CPT1A: variants seen among roughly 807,000 people sequenced by gnomAD.
The protein encoded by CPT1A is carnitine palmitoyltransferase 1A, also known as carnitine O-palmitoyltransferase 1, liver isoform.
A neutral mutation model predicts 100.8 loss-of-function variants in CPT1A; 64 were observed. The ratio of observed to expected loss-of-function variants is 0.63; its 90% CI spans 0.52 to 0.78. The LOEUF is 0.78. Ranked by LOEUF, CPT1A falls within the 30% of genes least tolerant of loss-of-function variation. The pLI is 0.00. For synonymous variants in CPT1A, 363 were observed against 396.0 expected (o/e 0.92, Z 0.99); for missense variants, 802 against 1,034.1 (o/e 0.78, Z 3.08).
In CPT1A at chr11:68,804,051, C is replaced by T. The variant is rs755282175; in HGVS notation, c.504G>A (p.Gln168=). The change falls in exon 5 of 19, where the codon CAG becomes CAA. Residue 168 remains glutamine, a synonymous_variant. Coordinates refer to ENST00000265641, the MANE Select transcript of CPT1A (RefSeq NM_001876.4). ...GGACCGGCAGGCGAGGCAGCGATGT[C>T]TGGAAGCTGTACAACATGGGTTTTC... is the stretch of plus-strand genomic sequence containing the variant. The part of the protein sequence containing the change: ...SGRKPMLYSF[Q]TSLPRLPVPA... 1.9e-6 allele frequency: 3 copies of T among 1,614,030 alleles called. No homozygotes were observed. The East Asian group carries it at 6.7e-5, about 36-fold the overall frequency.
chr11:68,770,390 C>T (rs940811941), intron 14 of CPT1A, among the ~76,000 whole-genome samples: 2 of 152,220 alleles, frequency 1.3e-5, no homozygotes, highest in Non-Finnish European at 2.9e-5. Flanking sequence ...GCTGTTCCAT[C>T]TCCTGAACAG....
intron 4 of CPT1A, among the ~76,000 whole-genome samples, chr11:68,804,772 C>T (rs1294233526): frequency 6.6e-6 from 1 of 152,214 alleles, no homozygotes; most frequent in East Asian, 1.9e-4. Context: ...GGGCTCCAGG[C>T]TCTAGGAACA....
downstream of CPT1A, chr11:68,754,875 AAC>A (rs1435275531): frequency 3.8e-6 from 3 of 780,460 alleles, no homozygotes; most frequent in Non-Finnish European, 7.2e-6. Flanking sequence ...AAGAGACAGA[AAC>A]AAATCTTGTA....
At chr11:68,768,379 A>T (rs1045152569) in intron 14 of CPT1A, among the ~76,000 whole-genome samples, 11 of 150,868 alleles carry the variant, frequency 7.3e-5, no homozygotes, top group African/African-American at 2.7e-4. Flanking sequence ...CCGGCCTGCC[A>T]GCATTAACTT....
chr11:68,757,871 G>C, intron 18 of CPT1A, 141 bp from the exon 19 acceptor site: 2 of 742,906 alleles, frequency 2.7e-6, no homozygotes, highest in Non-Finnish European at 2.3e-6. Context: ...ACGTCTTAAA[G>C]CTTAACTTAG....
At chr11:68,841,944 T>C (rs1184083038), upstream of CPT1A, 12 of 984,728 alleles carry the variant, frequency 1.2e-5, no homozygotes, top group East Asian at 6.9e-4. This position sits in a 1 kb window ranked among gnomAD's most constrained non-coding sequence, Gnocchi z 6.3. Context: ...CTGCGGCGCC[T>C]GCAGGCGGGT....
At chr11:68,760,191 C>T (rs1387865900) in intron 17 of CPT1A, 34 bp downstream of exon 17, 6 of 1,477,310 alleles carry the variant, frequency 4.1e-6, no homozygotes, top group East Asian at 2.3e-5. Context: ...ATCACCACGC[C>T]CCACTGCGCC....
rs1441213687 is a variant in CPT1A at position 68,756,151 on chromosome 11, A to C, written c.*1493T>G. On this transcript the variant is annotated 3_prime_UTR_variant, in exon 19 of 19. Transcript: ENST00000265641. The stretch of plus-strand genomic sequence containing the variant: ...AAAAAAAAGGCACGTGTTCTCCGGC[A>C]AGCACCTTCCATCGACTCCAACAGT... 6.7e-6 allele frequency: 1 copy of C among 149,548 alleles called. No homozygotes were observed. The highest frequency in any genetic ancestry group is 2.0e-4 in the East Asian group (1 of 5,028). The allele number at this position is 149,548 out of a possible 1,614,324, so 9.3% of individuals were successfully genotyped here.
At chr11:68,843,482 G>A (rs779976877), upstream of CPT1A, among the ~76,000 whole-genome samples, 2 of 152,030 alleles carry the variant, frequency 1.3e-5, no homozygotes, top group African/African-American at 4.8e-5. The surrounding 1 kb of genome is among the most constrained non-coding windows in gnomAD (Gnocchi z 4.0). Flanking sequence ...AGGCACGTGC[G>A]ACATTTTGGT....
At chr11:68,813,559 G>A (rs982622076) in intron 2 of CPT1A, among the ~76,000 whole-genome samples, 5 of 150,992 alleles carry the variant, frequency 3.3e-5, no homozygotes, top group Non-Finnish European at 2.9e-5. Flanking sequence ...AAAATTAGCC[G>A]GGCATTGTGG....
At chr11:68,816,472 G>A (rs1856391878) in intron 1 of CPT1A, among the ~76,000 whole-genome samples, 1 of 152,160 alleles carries the variant, frequency 6.6e-6, no homozygotes, top group African/African-American at 2.4e-5. Flanking sequence ...CCTGGGGAGA[G>A]CATCCCCTGG....
At chr11:68,762,126 A>C (rs2153995114) in intron 15 of CPT1A, among the ~76,000 whole-genome samples, 1 of 152,276 alleles carries the variant, frequency 6.6e-6, no homozygotes, top group South Asian at 2.1e-4. Flanking sequence ...CTGTTTCTTT[A>C]TCTATGGAAA....
intron 5 of CPT1A, among the ~76,000 whole-genome samples, chr11:68,802,517 G>A (rs1200704894): frequency 6.6e-6 from 1 of 151,338 alleles, no homozygotes. Context: ...AGATCACGAG[G>A]TCAGGCGATG....
intron 14 of CPT1A, among the ~76,000 whole-genome samples, chr11:68,771,436 C>G (rs1854986113): frequency 6.6e-6 from 1 of 152,166 alleles, no homozygotes; most frequent in Non-Finnish European, 1.5e-5. Context: ...CGTTTACGGG[C>G]AAAATCTGCT....
chr11:68,762,619 C>G lies in CPT1A; in HGVS notation c.1875+8G>C, dbSNP rs1291752017. On this transcript the variant is annotated splice_region_variant and intron_variant, in intron 15 of 18. Coordinates refer to ENST00000265641, the MANE Select transcript of CPT1A (RefSeq NM_001876.4). ...GCACGTTGTGTCCTCAGCCTGATGG[C>G]ACATTACCGTCTGGGCCGGGTCCAC... is the stretch of plus-strand genomic sequence containing the variant. The G allele has an allele frequency of 6.2e-7, 1 of 1,613,358 alleles. No homozygotes were observed. Among genetic ancestry groups the G allele is most frequent in the Non-Finnish European group, 8.5e-7 (1 of 1,180,016 alleles).
Position 68,807,595 on chromosome 11 carries a change from G to A in CPT1A, c.325C>T (p.Leu109=), listed in dbSNP as rs1324801874. The A allele has an allele frequency of 1.9e-6, 3 of 1,614,174 alleles. No individual in the cohort carries two copies. The South Asian group carries it at 3.3e-5, about 18-fold the overall frequency. The part of the protein sequence containing the change: ...SQTKNVVSGV[L]FGTGLWVALI... ...GCCACCCACAGGCCGGTGCCAAACAGCACGCCGCTGACCACGTTCTTCGTC... is the reference window on the plus strand; with the variant it reads ...GCCACCCACAGGCCGGTGCCAAACAACACGCCGCTGACCACGTTCTTCGTC... Residue 109 remains leucine, a synonymous_variant, in exon 4 of 19, where the codon CTG becomes TTG. Coordinates refer to ENST00000265641, the MANE Select transcript of CPT1A (RefSeq NM_001876.4).
At chr11:68,835,614 G>A (rs1273244565) in intron 1 of CPT1A, among the ~76,000 whole-genome samples, 3 of 151,424 alleles carry the variant, frequency 2.0e-5, no homozygotes, top group East Asian at 3.9e-4. Flanking sequence ...CGTGTGACAT[G>A]GAATGACAGG....
intron 14 of CPT1A, among the ~76,000 whole-genome samples, chr11:68,770,367 T>C (rs1211955990): frequency 6.6e-6 from 1 of 152,192 alleles, no homozygotes; most frequent in Non-Finnish European, 1.5e-5. Flanking sequence ...CTCTTAATCG[T>C]CAAAGCCTTT....
rs1238850128 is a variant in CPT1A, at chr11:68,807,623, G to T, written c.297C>A (p.Ser99Arg). The T allele has an allele frequency of 1.2e-6, 2 of 1,614,050 alleles. No individual in the cohort carries two copies. Among genetic ancestry groups the T allele is most frequent in the Non-Finnish European group, 1.7e-6 (2 of 1,180,032 alleles). ...CGCCGCTGACCACGTTCTTCGTCTG[G>T]CTGGACATGCAGTTGCTGTGGAGAC... ...RTLETANCMSSQTKNVVSGVL... is the reference protein window; with the variant it reads ...RTLETANCMSRQTKNVVSGVL... Residue 99 changes from serine (S) to arginine (R), a missense_variant, in exon 4 of 19, where the codon AGC becomes AGA. Around this residue, in one of 4 missense-constraint regions of CPT1A, gnomAD observed 161 missense variants for 183.7 expected, o/e 0.88. Transcript: ENST00000265641.
Sources: allele counts gnomAD v4.1 joint callset (sites outside exome capture counted in the v4.1 genomes callset), GRCh38; gene constraint gnomAD v4.1.1; regional missense constraint gnomAD v4.1.1; non-coding constraint Gnocchi (gnomAD v3.1); transcripts MANE v1.5; gene names NCBI Gene and HGNC (gene_info 2026-07-23, HGNC 2026-07-21).